The following ACOXL variants were observed in gnomAD, a reference collection of about 807,000 sequenced individuals.
ACOXL encodes acyl-coenzyme A oxidase-like protein.
In ACOXL, 70 loss-of-function variants were observed where a neutral mutation model predicts 71.9. The ratio of observed to expected loss-of-function variants is 0.97; its 90% CI spans 0.80 to 1.19. ACOXL has a LOEUF of 1.19. ACOXL is among the 50% of genes most tolerant of loss of function. The pLI, the probability that ACOXL is intolerant of heterozygous loss-of-function variation, is 0.00. For synonymous variants in ACOXL, 253 were observed against 281.6 expected (o/e 0.90, Z 1.02); for missense variants, 703 against 736.3 (o/e 0.95, Z 0.52).
At chr2:111,078,196 A>T (rs890208910) in intron 16 of ACOXL, among the ~76,000 whole-genome samples, 1 of 152,006 alleles carries the variant, frequency 6.6e-6, no homozygotes, top group African/African-American at 2.4e-5. Flanking sequence ...TTTGGAGCTC[A>T]TCTTTCTTTT....
rs2061572012 is a variant in ACOXL at position 110,958,147 on chromosome 2, G to C, written c.1059+24505G>C. On this transcript the variant is annotated intron_variant, in intron 12 of 17. Transcript: ENST00000439055. Reference sequence around the variant, plus strand: ...CATGCATACACACGCACACACACATGCACACACACACTCTCATGCATACTC... The same window carrying C: ...CATGCATACACACGCACACACACATCCACACACACACTCTCATGCATACTC... Among the ~76,000 whole-genome samples the C allele has an allele frequency of 2.0e-5, 3 of 151,496 alleles. No individual in the cohort carries two copies. In the South Asian group the frequency reaches 6.2e-4, roughly 32 times the overall value.
At chr2:111,067,851 G>A (rs1231257058) in intron 16 of ACOXL, among the ~76,000 whole-genome samples, 2 of 152,220 alleles carry the variant, frequency 1.3e-5, no homozygotes, top group East Asian at 3.8e-4. Flanking sequence ...AAATGGCCCT[G>A]CTTTCAGGGA....
intron 14 of ACOXL, among the ~76,000 whole-genome samples, chr2:111,002,196 T>C (rs2063666362): frequency 6.6e-6 from 1 of 152,206 alleles, no homozygotes; most frequent in Non-Finnish European, 1.5e-5. Flanking sequence ...TGAGAGAATC[T>C]GAGCCAACCA....
chr2:111,010,163 G>T (rs1180525845), intron 14 of ACOXL, among the ~76,000 whole-genome samples: 3 of 152,056 alleles, frequency 2.0e-5, no homozygotes, highest in African/African-American at 7.2e-5. Context: ...ATTGAAATTA[G>T]CAGACAAGGG....
At chr2:110,784,085 C>A (rs1683654567) in intron 2 of ACOXL, among the ~76,000 whole-genome samples, 1 of 152,128 alleles carries the variant, frequency 6.6e-6, no homozygotes, top group Non-Finnish European at 1.5e-5. Flanking sequence ...TTTCCTGTGT[C>A]CAGGGTGCTC....
chr2:110,979,784 G>A (rs899075399), intron 12 of ACOXL, among the ~76,000 whole-genome samples: 1 of 152,230 alleles, frequency 6.6e-6, no homozygotes, highest in African/African-American at 2.4e-5. Flanking sequence ...GCCATGGGCA[G>A]TGGTGCAAAC....
chr2:110,793,985 C>A, intron 4 of ACOXL, 91 bp from the exon 5 acceptor site: 1 of 1,334,300 alleles, frequency 7.5e-7, no homozygotes, highest in Non-Finnish European at 1.1e-6. Flanking sequence ...ACCTGTCCCT[C>A]TCTCACCACC....
At chr2:111,030,446 A>G (rs2065212983) in intron 14 of ACOXL, among the ~76,000 whole-genome samples, 1 of 151,744 alleles carries the variant, frequency 6.6e-6, no homozygotes, top group South Asian at 2.1e-4. Context: ...GTGGATCCCG[A>G]GGCACCCATG....
intron 10 of ACOXL, among the ~76,000 whole-genome samples, chr2:110,868,052 C>T (rs922072989): frequency 4.6e-5 from 7 of 152,168 alleles, no homozygotes; most frequent in Admixed American, 6.5e-5. Context: ...CAAGCCACCA[C>T]GCCCGGCCAA....
intron 14 of ACOXL, among the ~76,000 whole-genome samples, chr2:111,014,572 C>T (rs750824743): frequency 1.3e-5 from 2 of 152,146 alleles, no homozygotes; most frequent in Non-Finnish European, 2.9e-5. Flanking sequence ...ATAGATTCAG[C>T]ACCATTTCAA....
At chr2:111,085,306 TAA>T (rs2068151527) in intron 16 of ACOXL, among the ~76,000 whole-genome samples, 1 of 152,244 alleles carries the variant, frequency 6.6e-6, no homozygotes, top group Non-Finnish European at 1.5e-5. Flanking sequence ...GCACATACTC[TAA>T]AATTGACCAC....
intron 12 of ACOXL, among the ~76,000 whole-genome samples, chr2:110,980,153 C>T (rs866706660): frequency 2.0e-5 from 3 of 152,230 alleles, no homozygotes; most frequent in South Asian, 4.1e-4. Context: ...CTGAGAGTTA[C>T]AGCCCTCACC....
chr2:111,057,937 G>A (rs771738961), intron 16 of ACOXL, among the ~76,000 whole-genome samples: 2 of 151,640 alleles, frequency 1.3e-5, no homozygotes, highest in Non-Finnish European at 2.9e-5. Flanking sequence ...GGCGTGGAGG[G>A]TGCAACGCTT....
At chr2:111,011,592 G>T (rs1300840817) in intron 14 of ACOXL, among the ~76,000 whole-genome samples, 2 of 152,104 alleles carry the variant, frequency 1.3e-5, no homozygotes, top group African/African-American at 4.8e-5. Context: ...AACAAGGAAT[G>T]TTACCAGGGA....
intron 10 of ACOXL, among the ~76,000 whole-genome samples, chr2:110,905,637 A>T (rs2059411851): frequency 6.6e-6 from 1 of 152,140 alleles, no homozygotes; most frequent in African/African-American, 2.4e-5. Context: ...CTAAAAACTC[A>T]GTGCTCCCTG....
At chr2:110,735,564 A>G (rs1676727787) in intron 1 of ACOXL, among the ~76,000 whole-genome samples, 1 of 152,242 alleles carries the variant, frequency 6.6e-6, no homozygotes, top group African/African-American at 2.4e-5. Flanking sequence ...GGAGGAGTTC[A>G]TTCCCAGGGT....
chr2:111,013,101 A>G (rs757666239), intron 14 of ACOXL, among the ~76,000 whole-genome samples: 1 of 152,254 alleles, frequency 6.6e-6, no homozygotes, highest in Non-Finnish European at 1.5e-5. Flanking sequence ...GAAAGCGGAT[A>G]TTATAATGTC....
At chr2:110,901,763 C>T (rs2059243773) in intron 10 of ACOXL, among the ~76,000 whole-genome samples, 1 of 152,086 alleles carries the variant, frequency 6.6e-6, no homozygotes, top group Admixed American at 6.6e-5. Flanking sequence ...TGGTGGCTCA[C>T]ACCTGTAATC....
chr2:110,821,959 G>A (rs1229161795), intron 9 of ACOXL, among the ~76,000 whole-genome samples: 1 of 151,888 alleles, frequency 6.6e-6, no homozygotes, highest in Non-Finnish European at 1.5e-5. Flanking sequence ...GCATGTGAGT[G>A]TGTGTGTGAG....
Sources: gnomAD v4.1 joint callset for allele counts (sites outside exome capture counted in the v4.1 genomes callset) on GRCh38, gnomAD v4.1.1 for gene constraint, MANE v1.5 for transcripts, NCBI Gene and HGNC (gene_info 2026-07-23, HGNC 2026-07-21) for gene names.